Variants in CASP10 observed in about 807,000 individuals in gnomAD.
CASP10 encodes the protein caspase-10.
Under a neutral mutation model 48.5 loss-of-function variants are expected in CASP10, and 41 were observed. That is an observed-to-expected ratio of 0.85 (90% CI 0.66 to 1.10). The LOEUF (loss-of-function observed/expected upper bound fraction) is 1.10. Ranked by LOEUF, CASP10 falls within the 50% of genes least tolerant of loss-of-function variation. The pLI is 0.00. For synonymous variants in CASP10, 232 were observed against 238.4 expected, an observed-to-expected ratio of 0.97 and a Z score of 0.25; for missense variants, 614 against 614.5, an observed-to-expected ratio of 1.00 and a Z score of 0.01.
At chr2:201,194,087 TTGTGTG>T (rs139975621) in intron 4 of CASP10, among the ~76,000 whole-genome samples, 32,621 of 148,332 alleles carry the variant, frequency 0.22, 3,644 homozygotes, top group Non-Finnish European at 0.25. Context: ...CTTTATTTTC[TTGTGTG>T]TGTGTGTGTG....
At chr2:201,196,083 T>A in intron 5 of CASP10, 135 bp downstream of exon 5, 1 of 660,222 alleles carries the variant, frequency 1.5e-6, no homozygotes, top group South Asian at 1.7e-5. Flanking sequence ...CTCACCATGG[T>A]GATTGCAAGT....
At chr2:201,198,674 G>A (rs1215012974) in intron 5 of CASP10, among the ~76,000 whole-genome samples, 1 of 150,298 alleles carries the variant, frequency 6.7e-6, no homozygotes, top group Non-Finnish European at 1.5e-5. Flanking sequence ...CCAAGTAGCT[G>A]GGACCACAGG....
At chr2:201,213,850 T>A (rs1205690725) in intron 9 of CASP10, 1 of 152,216 alleles carries the variant, frequency 6.6e-6, no homozygotes, top group Non-Finnish European at 1.5e-5. Context: ...ATGGAGCTTG[T>A]CATAATATGC....
At chr2:201,204,630 G>A (rs1945137842) in intron 6 of CASP10, among the ~76,000 whole-genome samples, 1 of 152,166 alleles carries the variant, frequency 6.6e-6, no homozygotes. Context: ...GCAGCTAAAA[G>A]GCACCGCAGC....
Position 201,220,758 on chromosome 2 carries a change from T to A in CASP10, c.*3017T>A. ...TTCTTACACATGTGTCAGGATGATC[T>A]CCCAAAACCGTGTTCATAACAGTCA... On this transcript the variant is annotated 3_prime_UTR_variant, in exon 10 of 10. Coordinates refer to ENST00000286186, the MANE Select transcript of CASP10 (RefSeq NM_032977.4). 2 of 985,290 alleles carry A rather than the reference T, an allele frequency of 2.0e-6. No individual in the cohort carries two copies. Among genetic ancestry groups the A allele is most frequent in the East Asian group, 1.1e-4 (1 of 8,820 alleles). 61.0% of individuals were successfully genotyped at this position (985,290 alleles called of 1,614,324 possible).
intron 7 of CASP10, 42 bp from the exon 8 acceptor site, chr2:201,208,033 A>G (rs776327923): frequency 1.4e-6 from 2 of 1,436,714 alleles, no homozygotes; most frequent in East Asian, 4.5e-5. Flanking sequence ...TTAAGGCCCT[A>G]AGATAAGGAT....
intron 9 of CASP10, among the ~76,000 whole-genome samples, chr2:201,217,374 T>C (rs1945603298): frequency 6.6e-6 from 1 of 152,146 alleles, no homozygotes; most frequent in Non-Finnish European, 1.5e-5. Flanking sequence ...GAGACCAGCC[T>C]GGGCAAGCAA....
Position 201,219,811 on chromosome 2 carries a change from C to T in CASP10, c.*2070C>T, listed in dbSNP as rs1017176150. On this transcript the variant is annotated 3_prime_UTR_variant, in exon 10 of 10. Coordinates refer to ENST00000286186, the MANE Select transcript of CASP10 (RefSeq NM_032977.4). ...GAGCCCTCATAGGGAGATCCAAAGT[C>T]CTGTGGTTAACGCCTTCATTTATAG... 2.1e-5 allele frequency: 21 copies of T among 981,944 alleles called. 1 individual carries two copies. Among genetic ancestry groups the T allele is most frequent in the South Asian group, 4.7e-5 (1 of 21,190 alleles). 60.8% of individuals were successfully genotyped at this position (981,944 alleles called of 1,614,324 possible).
rs910874241 is a variant in CASP10 at position 201,219,115 on chromosome 2, C to T, written c.*1374C>T. The T allele has an allele frequency of 1.7e-5, 7 of 420,302 alleles. No individual in the cohort carries two copies. The highest frequency in any genetic ancestry group is 1.9e-5 in the Non-Finnish European group (6 of 313,806). The allele number at this position is 420,302 out of a possible 1,614,324, so 26.0% of individuals were successfully genotyped here. On this transcript the variant is annotated 3_prime_UTR_variant, in exon 10 of 10. Transcript: ENST00000286186. ...CAAAACCTCATCATTACTAAAAACA[C>T]AAAAATTAGCCAGGTGTGGCGGCGA...
intron 6 of CASP10, 135 bp downstream of exon 6, chr2:201,203,901 A>G: frequency 1.3e-6 from 1 of 769,372 alleles, no homozygotes; most frequent in Non-Finnish European, 2.2e-6. Flanking sequence ...TTTTATTCCA[A>G]TTCAAGGCAA....
chr2:201,225,693 G>A (rs772814081), downstream of CASP10, among the ~76,000 whole-genome samples: 4 of 152,198 alleles, frequency 2.6e-5, no homozygotes, highest in Admixed American at 6.5e-5. Context: ...GGATGAGGCC[G>A]GGGTGTGGTG....
At chr2:201,225,734 G>A (rs1228823065), downstream of CASP10, among the ~76,000 whole-genome samples, 1 of 152,236 alleles carries the variant, frequency 6.6e-6, no homozygotes, top group Non-Finnish European at 1.5e-5. Context: ...AACTTTGGGA[G>A]GCCGAGGCAG....
chr2:201,193,972 A>C (rs910764581), intron 4 of CASP10, among the ~76,000 whole-genome samples: 1 of 152,164 alleles, frequency 6.6e-6, no homozygotes, highest in African/African-American at 2.4e-5. Flanking sequence ...TGTAAAATGC[A>C]TGTCTGGCAT....
At chr2:201,184,240 T>A (rs1944331596) in intron 1 of CASP10, among the ~76,000 whole-genome samples, 1 of 152,194 alleles carries the variant, frequency 6.6e-6, no homozygotes, top group Non-Finnish European at 1.5e-5. Context: ...TTGACTCATG[T>A]AATTTTTATC....
intron 7 of CASP10, chr2:201,206,315 A>G (rs1576119264): frequency 1.0e-5 from 2 of 198,996 alleles, no homozygotes; most frequent in Admixed American, 1.1e-4. Context: ...AAGATGTACC[A>G]CGATTTCAAG....
chr2:201,186,431 G>A (rs572441809), intron 2 of CASP10: 17 of 392,944 alleles, frequency 4.3e-5, no homozygotes, highest in Non-Finnish European at 5.3e-5. Context: ...GCGGCTACAC[G>A]TGCAGATCTT....
intron 6 of CASP10, among the ~76,000 whole-genome samples, chr2:201,205,175 C>T (rs373339704): frequency 2.6e-5 from 4 of 151,864 alleles, no homozygotes; most frequent in East Asian, 1.9e-4. Context: ...GATCCTCAGT[C>T]GATGCCCAAC....
Position 201,200,123 on chromosome 2 carries a change from C to A in CASP10, c.685-3607C>A, listed in dbSNP as rs993073583. ...GAAATACGTCATGTCCATCTGCCCC[C>A]CTATTCGTGATGCTAATTTTGATTA... is the stretch of plus-strand genomic sequence containing the variant. On this transcript the variant is annotated intron_variant, in intron 5 of 9. Transcript: ENST00000286186. Among the ~76,000 whole-genome samples, 5 of 152,136 alleles carry A rather than the reference C, an allele frequency of 3.3e-5. No homozygotes were observed. The East Asian group carries it at 5.8e-4, about 18-fold the overall frequency.
rs564294351 is a variant in CASP10 at position 201,192,547 on chromosome 2, G to GT, written c.442-436dup. 1.4e-4 allele frequency among the ~76,000 whole-genome samples: 22 copies of GT among 152,124 alleles called. No homozygotes were observed. In the East Asian group the frequency reaches 4.1e-3, roughly 28 times the overall value. On this transcript the variant is annotated intron_variant, in intron 3 of 9. Transcript: ENST00000286186. Reference sequence around the variant, plus strand: ...CCCTCTTTTGCTGGCTTCCTAAGCAGTATCATTTAAAGCTGTGACTTAGAG... The same window carrying GT: ...CCCTCTTTTGCTGGCTTCCTAAGCAGTTATCATTTAAAGCTGTGACTTAGAG...
Sources: allele counts gnomAD v4.1 joint callset (sites outside exome capture counted in the v4.1 genomes callset), GRCh38; gene constraint gnomAD v4.1.1; transcripts MANE v1.5; gene names NCBI Gene and HGNC (gene_info 2026-07-23, HGNC 2026-07-21).